SYNJ1: variants seen among roughly 807,000 people sequenced by gnomAD.
SYNJ1 encodes synaptojanin 1.
SYNJ1 carries 78 observed loss-of-function variants against 168.2 expected under a neutral mutation model. That is an observed-to-expected ratio of 0.46 (90% confidence interval 0.39 to 0.56). The LOEUF is 0.56. Among genes scored for constraint, SYNJ1 ranks in the 20% least tolerant of loss-of-function variants. The pLI is 0.00. For synonymous variants in SYNJ1, 539 were observed against 548.6 expected, an observed-to-expected ratio of 0.98 and a Z score of 0.24; for missense variants, 1,303 against 1,597.6, an observed-to-expected ratio of 0.82 and a Z score of 3.14.
chr21:32,671,996 T>C (rs1601369620), intron 14 of SYNJ1, among the ~76,000 whole-genome samples: 1 of 140,562 alleles, frequency 7.1e-6, no homozygotes, highest in Non-Finnish European at 1.5e-5. Context: ...GAGGTAGAGG[T>C]TGCAGTGAGC....
At position 32,631,515 on chromosome 21, in the gene SYNJ1, G is replaced by T. The variant is rs2039325989; in HGVS notation, c.*290C>A. 3 of 1,613,910 alleles carry T rather than the reference G, an allele frequency of 1.9e-6. No homozygotes were observed. The highest frequency in any genetic ancestry group is 1.7e-6 in the Non-Finnish European group (2 of 1,179,978). On this transcript the variant is annotated 3_prime_UTR_variant, in exon 33 of 33. Coordinates refer to ENST00000674351, the MANE Select transcript of SYNJ1 (RefSeq NM_203446.3). The stretch of plus-strand genomic sequence containing the variant: ...CCTGTCACTGAAAGGATTTGTCCTG[G>T]TCAAGCCAGTAATAAATGGGTTTGG...
intron 2 of SYNJ1, among the ~76,000 whole-genome samples, chr21:32,706,304 T>C (rs776967938): frequency 1.2e-4 from 19 of 152,094 alleles, no homozygotes; most frequent in Non-Finnish European, 2.1e-4. Flanking sequence ...ATAAAAGACA[T>C]TGTTGGGGCA....
At chr21:32,715,069 A>G (rs947097275) in intron 2 of SYNJ1, among the ~76,000 whole-genome samples, 4 of 152,248 alleles carry the variant, frequency 2.6e-5, no homozygotes, top group African/African-American at 9.6e-5. Flanking sequence ...TGGGAACAAG[A>G]TAGGCCAAAG....
At chr21:32,636,841 G>C (rs769726460) in intron 31 of SYNJ1, among the ~76,000 whole-genome samples, 2 of 152,060 alleles carry the variant, frequency 1.3e-5, no homozygotes, top group African/African-American at 2.4e-5. Context: ...TAAGGAGTTT[G>C]ATATCAATGA....
chr21:32,657,153 G>A, intron 19 of SYNJ1, 33 bp from the exon 20 acceptor site: 1 of 1,407,050 alleles, frequency 7.1e-7, no homozygotes, highest in South Asian at 1.2e-5. Context: ...CACAAGAGAA[G>A]CTGTATAAGC....
intron 22 of SYNJ1, 116 bp downstream of exon 22, chr21:32,653,172 C>A: frequency 1.3e-6 from 1 of 789,992 alleles, no homozygotes. Flanking sequence ...CTCGAACATA[C>A]CATAAGGTCT....
In SYNJ1 at chr21:32,630,919, A is replaced by T; in HGVS notation, c.*886T>A. On this transcript the variant is annotated 3_prime_UTR_variant, in exon 33 of 33. Transcript: ENST00000674351. ...GCACTTACAATGACTTATTGCACAT[A>T]ATGAAATACTAATGCCCAATTCTCT... The T allele has an allele frequency of 7.3e-7, 1 of 1,375,510 alleles. No homozygotes were observed. The highest frequency in any genetic ancestry group is 9.9e-7 in the Non-Finnish European group (1 of 1,012,168). 85.2% of individuals were successfully genotyped at this position (1,375,510 alleles called of 1,614,324 possible).
At chr21:32,716,618 C>T (rs1269116304) in intron 2 of SYNJ1, among the ~76,000 whole-genome samples, 1 of 152,152 alleles carries the variant, frequency 6.6e-6, no homozygotes, top group Non-Finnish European at 1.5e-5. Flanking sequence ...GTAACTTGAT[C>T]ATGTATTTGG....
At position 32,699,688 on chromosome 21, in the gene SYNJ1, C is replaced by T. The variant is rs141549722; in HGVS notation, c.479+150G>A. ...TTTGGGAGATGAGGTAGAGGTCATT[C>T]TCTGTAGCTACTTGCTGCTGAAAAG... On this transcript the variant is annotated intron_variant, in intron 4 of 32. Transcript: ENST00000674351. 1,060 of 914,326 alleles carry T rather than the reference C, an allele frequency of 1.2e-3. 7 individuals are homozygous for T. The African/African-American group carries it at 0.016, about 14-fold the overall frequency. 56.6% of individuals were successfully genotyped at this position (914,326 alleles called of 1,614,324 possible). A position where few individuals can be genotyped will look rare whatever the true frequency, so the allele number is the denominator to read the frequency against.
intron 24 of SYNJ1, 158 bp from the exon 25 acceptor site, chr21:32,645,947 T>G: frequency 2.7e-6 from 3 of 1,103,994 alleles, no homozygotes; most frequent in African/African-American, 1.5e-5. Context: ...CAGTCTACTA[T>G]TAAACTGCCC....
At chr21:32,693,088 A>G (rs1343831816) in intron 6 of SYNJ1, among the ~76,000 whole-genome samples, 2 of 151,958 alleles carry the variant, frequency 1.3e-5, no homozygotes, top group African/African-American at 4.8e-5. Flanking sequence ...AAATAAAATA[A>G]CATAAAAACA....
At chr21:32,678,049 G>T (rs779713044) in intron 12 of SYNJ1, among the ~76,000 whole-genome samples, 3 of 152,034 alleles carry the variant, frequency 2.0e-5, no homozygotes, top group Non-Finnish European at 2.9e-5. Flanking sequence ...CTCACTGATA[G>T]GAGAAGTTTT....
intron 19 of SYNJ1, 81 bp downstream of exon 19, chr21:32,657,635 T>C: frequency 1.6e-6 from 2 of 1,246,222 alleles, no homozygotes; most frequent in Non-Finnish European, 2.1e-6. Context: ...AACAATATTC[T>C]CCTCATTTGA....
chr21:32,675,262 C>T (rs182608743), intron 13 of SYNJ1, among the ~76,000 whole-genome samples: 19 of 152,220 alleles, frequency 1.2e-4, no homozygotes, highest in African/African-American at 4.3e-4. Context: ...TGAATAAAAA[C>T]GTACTGCCTC....
chr21:32,705,113 C>T (rs1353366044), intron 2 of SYNJ1, among the ~76,000 whole-genome samples: 1 of 148,684 alleles, frequency 6.7e-6, no homozygotes, highest in Non-Finnish European at 1.5e-5. Context: ...TGCACCACTG[C>T]ACTCCAGCCT....
rs1208099082 is a variant in SYNJ1 at position 32,657,841 on chromosome 21, G to T, written c.2336C>A (p.Thr779Asn). 1.2e-6 allele frequency: 2 copies of T among 1,609,888 alleles called. No homozygotes were observed. Among genetic ancestry groups the T allele is most frequent in the Non-Finnish European group, 1.7e-6 (2 of 1,179,054 alleles). Residue 779 changes from threonine to asparagine, a missense_variant, in exon 19 of 33, where the codon ACC (threonine) becomes AAC (asparagine). Thr to Asn is a moderately conservative substitution (Grantham distance 65). Transcript: ENST00000674351. Reference protein sequence around the residue: ...VFRGFLEGKVTFAPTYKYDLF... With the variant: ...VFRGFLEGKVNFAPTYKYDLF... ...GTCATACTTATATGTCGGAGCAAAGGTTACCTTTCCTTCTAAAAATCCTCT... is the reference window on the plus strand; with the variant it reads ...GTCATACTTATATGTCGGAGCAAAGTTTACCTTTCCTTCTAAAAATCCTCT...
chr21:32,655,401 T>C (rs2145842186), intron 21 of SYNJ1, among the ~76,000 whole-genome samples: 1 of 152,366 alleles, frequency 6.6e-6, no homozygotes, highest in Middle Eastern at 3.4e-3. Context: ...TGTTTTGTTT[T>C]GTTTAATTTG....
Position 32,701,995 on chromosome 21 carries a change from T to G in SYNJ1, c.177A>C (p.Ala59=), listed in dbSNP as rs749212329. The G allele has an allele frequency of 6.3e-7, 1 of 1,578,726 alleles. No homozygotes were observed. The highest frequency in any genetic ancestry group is 1.7e-5 in the Admixed American group (1 of 59,288). The part of the protein sequence containing the change: ...IKGTYSKVLD[A]YGLLGVLRLN... ...ACCGCAGAACACCTAAGAGTCCATA[T>G]GCATCCAGTACTTTGGAGTATGTAC... is the stretch of plus-strand genomic sequence containing the variant. The change falls in exon 3 of 33, where the codon GCA becomes GCC. Residue 59 remains alanine (A), a synonymous_variant. Coordinates refer to ENST00000674351, the MANE Select transcript of SYNJ1 (RefSeq NM_203446.3).
chr21:32,702,132 A>G (rs554385853), intron 2 of SYNJ1, 85 bp from the exon 3 acceptor site: 2 of 945,694 alleles, frequency 2.1e-6, no homozygotes, highest in South Asian at 3.9e-5. Flanking sequence ...GTTTCAATCA[A>G]AAGTTTCTAA....
Sources: allele counts gnomAD v4.1 joint callset (sites outside exome capture counted in the v4.1 genomes callset), GRCh38; gene constraint gnomAD v4.1.1; transcripts MANE v1.5; gene names NCBI Gene and HGNC (gene_info 2026-07-23, HGNC 2026-07-21).